PARD3B: variants seen among roughly 807,000 people sequenced by gnomAD.
The protein encoded by PARD3B is partitioning defective 3 homolog B.
Under a neutral mutation model 130.2 loss-of-function variants are expected in PARD3B, and 103 were observed. The observed-to-expected ratio is 0.79, with a 90% CI of 0.67 to 0.93. The LOEUF is 0.93. Among genes scored for constraint, PARD3B ranks in the 40% least tolerant of loss-of-function variants. The pLI is 0.00. For missense variants in PARD3B, 1,609 were observed against 1,499.2 expected, an observed-to-expected ratio of 1.07 and a Z score of -1.21; for synonymous variants, 583 against 553.2, an observed-to-expected ratio of 1.05 and a Z score of -0.76.
chr2:204,802,417 G>T (rs1392475295), intron 2 of PARD3B, among the ~76,000 whole-genome samples: 2 of 152,168 alleles, frequency 1.3e-5, no homozygotes, highest in East Asian at 3.8e-4. Context: ...CTCAACCATT[G>T]TGGAAGACAG....
intron 4 of PARD3B, chr2:205,048,138 T>G (rs1168329007): frequency 6.5e-6 from 1 of 152,916 alleles, no homozygotes; most frequent in African/African-American, 2.4e-5. Flanking sequence ...TCTTCCAGTT[T>G]CGTAATGTCC....
At chr2:205,384,841 A>G (rs956833207) in intron 18 of PARD3B, among the ~76,000 whole-genome samples, 2 of 152,148 alleles carry the variant, frequency 1.3e-5, no homozygotes, top group Non-Finnish European at 2.9e-5. Context: ...GCCTTTGACC[A>G]GCAAGATCAT....
chr2:205,046,455 A>G (rs1288525301), intron 3 of PARD3B, among the ~76,000 whole-genome samples: 2 of 150,758 alleles, frequency 1.3e-5, no homozygotes, highest in Non-Finnish European at 3.0e-5. Flanking sequence ...CCTAAGTAGC[A>G]TGTTAATTTC....
intron 18 of PARD3B, among the ~76,000 whole-genome samples, chr2:205,311,638 A>G (rs2042390217): frequency 1.3e-5 from 2 of 152,210 alleles, no homozygotes; most frequent in South Asian, 2.1e-4. Context: ...GTAGTTGGGC[A>G]TGATGCCTAT....
At chr2:204,752,270 C>T (rs999989302) in intron 2 of PARD3B, among the ~76,000 whole-genome samples, 2 of 151,964 alleles carry the variant, frequency 1.3e-5, no homozygotes, top group Non-Finnish European at 2.9e-5. Flanking sequence ...CTTTATGATT[C>T]CATTTTCTCA....
intron 21 of PARD3B, among the ~76,000 whole-genome samples, chr2:205,521,072 AGTT>A (rs1357518197): frequency 6.6e-6 from 1 of 151,474 alleles, no homozygotes; most frequent in Non-Finnish European, 1.5e-5. Context: ...TTCCTATGAA[AGTT>A]GTTAAGTTTA....
At chr2:204,976,603 A>ATTT (rs35902126) in intron 3 of PARD3B, among the ~76,000 whole-genome samples, 3 of 83,218 alleles carry the variant, frequency 3.6e-5, no homozygotes, top group African/African-American at 1.4e-4. Flanking sequence ...TAGGTAATTG[A>ATTT]TTTTTTTTTT....
intron 1 of PARD3B, among the ~76,000 whole-genome samples, chr2:204,632,151 A>T (rs1378370664): frequency 1.3e-5 from 2 of 152,078 alleles, no homozygotes; most frequent in Admixed American, 6.6e-5. Context: ...CATGAAATCT[A>T]GTCATTTTAA....
At chr2:204,557,988 C>G (rs2031039300) in intron 1 of PARD3B, 1 of 152,166 alleles carries the variant, frequency 6.6e-6, no homozygotes, top group African/African-American at 2.4e-5. Flanking sequence ...ATTATCTGGA[C>G]TACCTCAATT....
chr2:204,817,922 T>C (rs533373561), intron 2 of PARD3B, among the ~76,000 whole-genome samples: 4 of 152,288 alleles, frequency 2.6e-5, no homozygotes, highest in Admixed American at 2.0e-4. Context: ...AAAAAACTTT[T>C]TTTCAGGCAA....
intron 1 of PARD3B, among the ~76,000 whole-genome samples, chr2:204,547,400 A>G (rs1383033985): frequency 5.9e-5 from 9 of 152,168 alleles, no homozygotes; most frequent in South Asian, 2.1e-4. Flanking sequence ...CTCTTTACTG[A>G]TGGAATTGAG....
intron 20 of PARD3B, among the ~76,000 whole-genome samples, chr2:205,490,438 T>G (rs2049653390): frequency 6.6e-6 from 1 of 152,204 alleles, no homozygotes; most frequent in Non-Finnish European, 1.5e-5. Context: ...ACAAAGGACA[T>G]GAATTCATCA....
intron 1 of PARD3B, among the ~76,000 whole-genome samples, chr2:204,608,555 G>A (rs1277289296): frequency 1.3e-5 from 2 of 152,192 alleles, no homozygotes. Flanking sequence ...CAGGATCAGG[G>A]TGTGATGTGT....
chr2:205,156,844 A>T (rs971664934), intron 10 of PARD3B, among the ~76,000 whole-genome samples: 1 of 152,228 alleles, frequency 6.6e-6, no homozygotes, highest in Admixed American at 6.5e-5. Flanking sequence ...AAAAGAAAAG[A>T]TAATGATAAT....
At position 204,884,940 on chromosome 2, in the gene PARD3B, C is replaced by T. The variant is rs145529014; in HGVS notation, c.223-80212C>T. Among the ~76,000 whole-genome samples, 1,144 of 152,250 alleles carry T rather than the reference C, an allele frequency of 7.5e-3. 19 individuals carry two copies. Among genetic ancestry groups the T allele is most frequent in the African/African-American group, 0.026 (1,081 of 41,532 alleles). The stretch of plus-strand genomic sequence containing the variant: ...TTTGAATGGTGCTGCAATAAGCATA[C>T]AAATGCATGTGTCTTTATAACAGAA... On this transcript the variant is annotated intron_variant, in intron 2 of 22. Transcript: ENST00000406610.
intron 21 of PARD3B, among the ~76,000 whole-genome samples, chr2:205,537,646 G>A (rs1236862661): frequency 1.3e-5 from 2 of 152,178 alleles, no homozygotes; most frequent in African/African-American, 4.8e-5. Context: ...GAGGTCAGTA[G>A]TTGGAGATGG....
chr2:205,529,606 G>C (rs1025372951), intron 21 of PARD3B, among the ~76,000 whole-genome samples: 3 of 152,076 alleles, frequency 2.0e-5, no homozygotes, highest in African/African-American at 4.8e-5. Context: ...TCACCAAAAA[G>C]AAACCTATTG....
At chr2:204,818,520 G>A (rs771353081) in intron 2 of PARD3B, among the ~76,000 whole-genome samples, 20 of 152,022 alleles carry the variant, frequency 1.3e-4, no homozygotes, top group Non-Finnish European at 1.9e-4. Context: ...CTGTGGGATC[G>A]TCATACAGTA....
At chr2:205,404,599 T>C (rs967356013) in intron 19 of PARD3B, among the ~76,000 whole-genome samples, 8 of 152,214 alleles carry the variant, frequency 5.3e-5, no homozygotes, top group African/African-American at 1.9e-4. Context: ...CCTAATATTC[T>C]ATGAGATCAA....
Sources: allele counts gnomAD v4.1 joint callset (sites outside exome capture counted in the v4.1 genomes callset), GRCh38; gene constraint gnomAD v4.1.1; transcripts MANE v1.5; gene names NCBI Gene and HGNC (gene_info 2026-07-23, HGNC 2026-07-21).